RBFOX1: variants seen among roughly 807,000 people sequenced by gnomAD.
RBFOX1 encodes RNA binding protein fox-1 homolog 1.
Under a neutral mutation model 57.7 loss-of-function variants are expected in RBFOX1, and 8 were observed. That is an observed-to-expected ratio of 0.14 (90% CI 0.08 to 0.25). The LOEUF (loss-of-function observed/expected upper bound fraction) is 0.25. Ranked by LOEUF, RBFOX1 falls within the 10% of genes least tolerant of loss-of-function variation. The pLI is 1.00. For missense variants in RBFOX1, 611 were observed against 548.5 expected (o/e 1.11, Z -1.14); for synonymous variants, 326 against 222.4 (o/e 1.47, Z -4.15).
At chr16:7,677,802 G>T (rs2073778760) in intron 14 of RBFOX1, among the ~76,000 whole-genome samples, 1 of 152,172 alleles carries the variant, frequency 6.6e-6, no homozygotes, top group Non-Finnish European at 1.5e-5. Context: ...ATGTGTGGCT[G>T]GGGCATGCTG....
At chr16:7,385,754 A>G (rs1460148473) in intron 4 of RBFOX1, among the ~76,000 whole-genome samples, 21 of 151,634 alleles carry the variant, frequency 1.4e-4, no homozygotes, top group Admixed American at 1.4e-3. Context: ...TTAGCTTTTA[A>G]GGTTTTTGGT....
chr16:7,077,915 C>T (rs747419931), intron 4 of RBFOX1, among the ~76,000 whole-genome samples: 1 of 152,112 alleles, frequency 6.6e-6, no homozygotes, highest in East Asian at 1.9e-4. Flanking sequence ...TATTGAGGAG[C>T]CAAAATGTTT....
At chr16:6,908,994 A>T (rs192102810) in intron 3 of RBFOX1, among the ~76,000 whole-genome samples, 1 of 152,248 alleles carries the variant, frequency 6.6e-6, no homozygotes, top group Admixed American at 6.5e-5. Context: ...CTGCTTCTGA[A>T]CATGCTTAGA....
chr16:5,878,516 G>A (rs761150405), intron 4 of RBFOX1, among the ~76,000 whole-genome samples: 42 of 152,210 alleles, frequency 2.8e-4, no homozygotes, highest in Admixed American at 1.2e-3. Flanking sequence ...GCAAAGATGG[G>A]GGAAGCAGGC....
At chr16:7,248,978 C>T (rs914893414) in intron 4 of RBFOX1, among the ~76,000 whole-genome samples, 1 of 152,018 alleles carries the variant, frequency 6.6e-6, no homozygotes, top group African/African-American at 2.4e-5. Flanking sequence ...CTGTGGAATC[C>T]CAGATAGGTT....
intron 4 of RBFOX1, among the ~76,000 whole-genome samples, chr16:7,473,704 A>G (rs901560698): frequency 1.3e-5 from 2 of 152,032 alleles, no homozygotes; most frequent in African/African-American, 4.8e-5. Context: ...GGTGGAATCA[A>G]AGAGTAGTTT....
At chr16:7,318,784 AC>A (rs1202501692) in intron 4 of RBFOX1, among the ~76,000 whole-genome samples, 1 of 151,726 alleles carries the variant, frequency 6.6e-6, no homozygotes, top group East Asian at 1.9e-4. Flanking sequence ...CGCCAGACCC[AC>A]CCCCCATCTC....
At chr16:6,121,251 A>C (rs183146419) in intron 1 of RBFOX1, among the ~76,000 whole-genome samples, 29 of 152,040 alleles carry the variant, frequency 1.9e-4, no homozygotes, top group African/African-American at 7.0e-4. Flanking sequence ...GAGACTCTAG[A>C]CTCTGCTTTG....
chr16:7,562,977 A>G (rs1023747690), intron 5 of RBFOX1, among the ~76,000 whole-genome samples: 3 of 152,198 alleles, frequency 2.0e-5, no homozygotes, highest in Non-Finnish European at 2.9e-5. Context: ...GATGCCATTA[A>G]GGGACTTGAC....
At chr16:6,829,809 C>T (rs1198807958) in intron 3 of RBFOX1, among the ~76,000 whole-genome samples, 2 of 152,174 alleles carry the variant, frequency 1.3e-5, no homozygotes, top group East Asian at 1.9e-4. Context: ...GCCACGTTGG[C>T]CAGGCTGGTA....
intron 2 of RBFOX1, among the ~76,000 whole-genome samples, chr16:5,586,328 G>T (rs1055259562): frequency 3.3e-5 from 5 of 152,178 alleles, no homozygotes; most frequent in African/African-American, 9.7e-5. Flanking sequence ...GGGAACTAAA[G>T]TACATGTTTT....
intron 2 of RBFOX1, among the ~76,000 whole-genome samples, chr16:6,537,024 A>C (rs1179898739): frequency 1.3e-5 from 2 of 152,168 alleles, no homozygotes; most frequent in African/African-American, 4.8e-5. Flanking sequence ...GTACAGTCCT[A>C]CGTACGGTAG....
At chr16:6,655,284 G>A (rs1177399122) in intron 3 of RBFOX1, among the ~76,000 whole-genome samples, 1 of 141,558 alleles carries the variant, frequency 7.1e-6, no homozygotes, top group Admixed American at 7.5e-5. Context: ...TGAGGCAGGA[G>A]AATCACTTGA....
intron 3 of RBFOX1, among the ~76,000 whole-genome samples, chr16:5,774,489 T>C (rs1294210789): frequency 6.6e-6 from 1 of 152,246 alleles, no homozygotes; most frequent in African/African-American, 2.4e-5. Flanking sequence ...TCTCTGGCTT[T>C]CTTCAATCTA....
chr16:6,460,102 T>G (rs981964774), intron 2 of RBFOX1, among the ~76,000 whole-genome samples: 2 of 144,596 alleles, frequency 1.4e-5, no homozygotes, highest in Non-Finnish European at 3.0e-5. Context: ...GGGGCTGCCA[T>G]AATACAGCAT....
chr16:6,309,101 G>C (rs181717132), intron 1 of RBFOX1, among the ~76,000 whole-genome samples: 5 of 152,066 alleles, frequency 3.3e-5, no homozygotes, highest in Admixed American at 1.3e-4. Flanking sequence ...TCAAACCACT[G>C]CGTTCGCCTG....
intron 1 of RBFOX1, among the ~76,000 whole-genome samples, chr16:6,151,026 A>T (rs1255489346): frequency 6.6e-6 from 1 of 152,172 alleles, no homozygotes. Flanking sequence ...AGATTCAGAA[A>T]GGAGAATCTT....
At chr16:6,915,899 C>T (rs139715692) in intron 3 of RBFOX1, among the ~76,000 whole-genome samples, 15 of 152,164 alleles carry the variant, frequency 9.9e-5, no homozygotes, top group Admixed American at 2.0e-4. Context: ...GGACATGTTC[C>T]GTGAAAGGGC....
chr16:5,440,069 G>A (rs918868987), intron 1 of RBFOX1, among the ~76,000 whole-genome samples: 1 of 152,158 alleles, frequency 6.6e-6, no homozygotes, highest in East Asian at 1.9e-4. Flanking sequence ...AAATATTCAA[G>A]ATGATTTATC....
Sources: gnomAD v4.1 joint callset for allele counts (sites outside exome capture counted in the v4.1 genomes callset) on GRCh38, gnomAD v4.1.1 for gene constraint, MANE v1.5 for transcripts, NCBI Gene and HGNC (gene_info 2026-07-23, HGNC 2026-07-21) for gene names.